AQP3: variants seen among roughly 807,000 people sequenced by gnomAD.
The protein encoded by AQP3 is aquaporin-3.
AQP3 carries 15 observed loss-of-function variants against 30.3 expected under a neutral mutation model. The observed-to-expected ratio is 0.49, with a 90% CI of 0.33 to 0.76. AQP3 has a LOEUF of 0.76. Among genes scored for constraint, AQP3 ranks in the 30% least tolerant of loss-of-function variants. The pLI is 0.02. For synonymous variants in AQP3, 153 were observed against 163.2 expected, an observed-to-expected ratio of 0.94 and a Z score of 0.47; for missense variants, 272 against 384.8, an observed-to-expected ratio of 0.71 and a Z score of 2.45.
intron 1 of AQP3, among the ~76,000 whole-genome samples, chr9:33,447,082 G>A (rs1247219267): frequency 6.6e-6 from 1 of 152,246 alleles, no homozygotes. Flanking sequence ...ATCTGGAGGG[G>A]TGTGGGAGGC....
intron 1 of AQP3, among the ~76,000 whole-genome samples, chr9:33,447,052 TG>T (rs1826923269): frequency 6.6e-6 from 1 of 152,044 alleles, no homozygotes; most frequent in African/African-American, 2.4e-5. Context: ...CCCCTACATC[TG>T]GGGGCTGGGA....
In AQP3 at chr9:33,443,919, G is replaced by T; in HGVS notation, c.109-27C>A. ...TGTCAGGAAGAAGAACAGGCAGGGAGGGTGAGGACCAGCAACTCTCACTCC... is the reference window on the plus strand; with the variant it reads ...TGTCAGGAAGAAGAACAGGCAGGGATGGTGAGGACCAGCAACTCTCACTCC... On this transcript the variant is annotated intron_variant, in intron 1 of 5. Transcript: ENST00000297991. The surrounding 1 kb of genome is among the most constrained non-coding windows in gnomAD (Gnocchi z 5.0). The T allele has an allele frequency of 6.2e-7, 1 of 1,609,720 alleles. No individual in the cohort carries two copies. The highest frequency in any genetic ancestry group is 1.1e-5 in the South Asian group (1 of 90,778).
At chr9:33,442,605 A>G in intron 4 of AQP3, 87 bp from the exon 5 acceptor site, 1 of 1,393,164 alleles carries the variant, frequency 7.2e-7, no homozygotes. Context: ...TCTAGCTCTT[A>G]AACTCTTGTC....
Position 33,444,012 on chromosome 9 carries a change from G to A in AQP3, c.109-120C>T. The A allele has an allele frequency of 3.8e-6, 5 of 1,312,518 alleles. 1 individual carries two copies. The highest frequency in any genetic ancestry group is 5.2e-6 in the Non-Finnish European group (5 of 967,392). The allele number at this position is 1,312,518 out of a possible 1,614,324, so 81.3% of individuals were successfully genotyped here. On this transcript the variant is annotated intron_variant, in intron 1 of 5. Coordinates refer to ENST00000297991, the MANE Select transcript of AQP3 (RefSeq NM_004925.5). ...CTGGGAGGACTAGAGGCGCTTCCTG[G>A]AACCCAGCCCAAACCCCTTCTGCTG...
rs1286174802 is a variant in AQP3 at position 33,443,529 on chromosome 9, G to C, written c.236-71C>G. On this transcript the variant is annotated intron_variant, in intron 2 of 5. Coordinates refer to ENST00000297991, the MANE Select transcript of AQP3 (RefSeq NM_004925.5). This position sits in a 1 kb window ranked among gnomAD's most constrained non-coding sequence, Gnocchi z 5.0. The stretch of plus-strand genomic sequence containing the variant: ...TCGGCAGGCTAGGGTCCCCTGAGAA[G>C]GGGTGCAGAGAGGGGTTTCTTGCAC... 1.9e-6 allele frequency: 3 copies of C among 1,566,672 alleles called. No individual in the cohort carries two copies. The highest frequency in any genetic ancestry group is 1.4e-5 in the African/African-American group (1 of 73,918).
rs780924525 is a variant in AQP3, at chr9:33,447,431, T to C, written c.100A>G (p.Ile34Val). 1.9e-6 allele frequency: 3 copies of C among 1,603,244 alleles called. No homozygotes were observed. The highest frequency in any genetic ancestry group is 1.7e-6 in the Non-Finnish European group (2 of 1,175,428). ...QALAECLGTLILVMFGCGSVA... is the reference protein window; with the variant it reads ...QALAECLGTLVLVMFGCGSVA... ...CGGCTCCCTCCACTCACCACCAGGATGAGGGTCCCCAGGCACTCGGCCAGC... is the reference window on the plus strand; with the variant it reads ...CGGCTCCCTCCACTCACCACCAGGACGAGGGTCCCCAGGCACTCGGCCAGC... The change falls in exon 1 of 6, where the codon ATC (isoleucine) becomes GTC (valine). Residue 34 changes from isoleucine (I) to valine (V), a missense_variant. By Grantham distance (29) the Ile-to-Val change is conservative (BLOSUM62 3). Around this residue, in one of 3 missense-constraint regions of AQP3, gnomAD observed 51 missense variants for 46.5 expected, o/e 1.10. Transcript: ENST00000297991.
rs770011362 is a variant in AQP3 at position 33,441,871 on chromosome 9, G to A, written c.*172C>T. ...GGGGCAGTGGCCTAAGGTGCTATTT[G>A]GGCAAGGTCCAGTGGAAATCCTGAA... On this transcript the variant is annotated 3_prime_UTR_variant, in exon 6 of 6. Coordinates refer to ENST00000297991, the MANE Select transcript of AQP3 (RefSeq NM_004925.5). 1 of 1,098,466 alleles carries A rather than the reference G, an allele frequency of 9.1e-7. No homozygotes were observed. The highest frequency in any genetic ancestry group is 1.3e-6 in the Non-Finnish European group (1 of 764,536). The allele number at this position is 1,098,466 out of a possible 1,614,324, so 68.0% of individuals were successfully genotyped here.
chr9:33,444,258 G>A (rs1826884190), intron 1 of AQP3, among the ~76,000 whole-genome samples: 1 of 152,150 alleles, frequency 6.6e-6, no homozygotes. Flanking sequence ...TTCAGGCCTG[G>A]ACCATAAAGG....
chr9:33,446,589 T>C (rs1826916926), intron 1 of AQP3, among the ~76,000 whole-genome samples: 1 of 151,452 alleles, frequency 6.6e-6, no homozygotes, highest in African/African-American at 2.4e-5. Context: ...GCAAACAGAG[T>C]CACTCAGAAC....
At chr9:33,444,202 G>A (rs886665233) in intron 1 of AQP3, among the ~76,000 whole-genome samples, 2 of 152,216 alleles carry the variant, frequency 1.3e-5, no homozygotes, top group African/African-American at 4.8e-5. Flanking sequence ...GCAGGCGTAG[G>A]TGTAGGGGAA....
chr9:33,443,621 T>G lies in AQP3; in HGVS notation c.235+145A>C. 6.8e-7 allele frequency: 1 copy of G among 1,480,386 alleles called. No individual in the cohort carries two copies. 91.7% of individuals were successfully genotyped at this position (1,480,386 alleles called of 1,614,324 possible). On this transcript the variant is annotated intron_variant, in intron 2 of 5. Coordinates refer to ENST00000297991, the MANE Select transcript of AQP3 (RefSeq NM_004925.5). The surrounding 1 kb of genome is among the most constrained non-coding windows in gnomAD (Gnocchi z 5.0). ...CTGATTCCAAGGTGAGAGTCGAAAG[T>G]TCTAAGTGTCAAGTTTCTTCTCCAC...
Position 33,442,129 on chromosome 9 carries a change from T to C in AQP3, c.793A>G (p.Ile265Val), listed in dbSNP as rs773268552. 3 of 1,613,550 alleles carry C rather than the reference T, an allele frequency of 1.9e-6. No individual in the cohort carries two copies. Among genetic ancestry groups the C allele is most frequent in the Non-Finnish European group, 2.5e-6 (3 of 1,180,000 alleles). Residue 265 changes from isoleucine (I) to valine (V), a missense_variant, in exon 6 of 6, where the codon ATC becomes GTC. By Grantham distance (29) the Ile-to-Val change is conservative. Around this residue, in one of 3 missense-constraint regions of AQP3, gnomAD observed 51 missense variants for 51.8 expected, o/e 0.98. Transcript: ENST00000297991. Reference sequence around the variant, plus strand: ...GGGGGCTGCTCCAGGTGGCAGCCGATCATCAGCTGGTACACGAAGACACCC... The same window carrying C: ...GGGGGCTGCTCCAGGTGGCAGCCGACCATCAGCTGGTACACGAAGACACCC... The part of the protein sequence containing the change: ...IAGVFVYQLM[I>V]GCHLEQPPPS...
Position 33,441,906 on chromosome 9 carries a change from T to G in AQP3, c.*137A>C. The G allele has an allele frequency of 7.4e-7, 1 of 1,360,540 alleles. No homozygotes were observed. The highest frequency in any genetic ancestry group is 1.0e-6 in the Non-Finnish European group (1 of 994,790). The allele number at this position is 1,360,540 out of a possible 1,614,324, so 84.3% of individuals were successfully genotyped here. ...CAGTGGAAATCCTGAAGGGGCTGTC[T>G]CGTGGGGTGAGGGTAGATAGGGAGC... On this transcript the variant is annotated 3_prime_UTR_variant, in exon 6 of 6. Transcript: ENST00000297991.
intron 4 of AQP3, 138 bp downstream of exon 4, chr9:33,442,714 C>A (rs1216623162): frequency 9.2e-7 from 1 of 1,086,372 alleles, no homozygotes; most frequent in Non-Finnish European, 1.4e-6. Context: ...TACTTGCCAC[C>A]ATGTTCTGAT....
Position 33,443,875 on chromosome 9 carries a change from G to A in AQP3, c.126C>T (p.Ser42=), listed in dbSNP as rs114247802. Residue 42 remains serine, a synonymous_variant, in exon 2 of 6, where the codon TCC becomes TCT. Coordinates refer to ENST00000297991, the MANE Select transcript of AQP3 (RefSeq NM_004925.5). The surrounding 1 kb of genome is among the most constrained non-coding windows in gnomAD (Gnocchi z 5.0). The part of the protein sequence containing the change: ...TLILVMFGCG[S]VAQVVLSRGT... ...CCCGGCTGAGCACAACCTGGGCCACGGAGCCACAGCCAAACATCTGTCAGG... is the reference window on the plus strand; with the variant it reads ...CCCGGCTGAGCACAACCTGGGCCACAGAGCCACAGCCAAACATCTGTCAGG... 2.9e-4 allele frequency: 472 copies of A among 1,613,874 alleles called. 1 individual carries two copies. In the African/African-American group the frequency reaches 4.9e-3, roughly 17 times the overall value.
At chr9:33,446,009 G>C (rs969282425) in intron 1 of AQP3, among the ~76,000 whole-genome samples, 6 of 152,228 alleles carry the variant, frequency 3.9e-5, no homozygotes, top group African/African-American at 1.4e-4. Flanking sequence ...GGGGCTCAGT[G>C]GGAGGACTAA....
chr9:33,444,366 G>A lies in AQP3; in HGVS notation c.109-474C>T, dbSNP rs113071159. Among the ~76,000 whole-genome samples the A allele has an allele frequency of 2.7e-3, 418 of 152,200 alleles. 2 individuals are homozygous for A. Among genetic ancestry groups the A allele is most frequent in the Admixed American group, 6.9e-3 (105 of 15,278 alleles). The stretch of plus-strand genomic sequence containing the variant: ...TGTAATCCCAGCACTTTGGTAGGCC[G>A]AGGTGGGTGGATCACCTGAGGTCAG... On this transcript the variant is annotated intron_variant, in intron 1 of 5. Coordinates refer to ENST00000297991, the MANE Select transcript of AQP3 (RefSeq NM_004925.5).
chr9:33,446,327 C>T (rs1826913227), intron 1 of AQP3, among the ~76,000 whole-genome samples: 1 of 152,300 alleles, frequency 6.6e-6, no homozygotes, highest in South Asian at 2.1e-4. Context: ...GGTTTCAGCC[C>T]TCCTCTGCCC....
intron 1 of AQP3, among the ~76,000 whole-genome samples, 193 bp downstream of exon 1, chr9:33,447,230 G>A (rs961391455): frequency 6.6e-6 from 1 of 152,252 alleles, no homozygotes; most frequent in African/African-American, 2.4e-5. Flanking sequence ...AGTCGGAGCT[G>A]TCAGAGAGGG....
Sources: allele counts gnomAD v4.1 joint callset (sites outside exome capture counted in the v4.1 genomes callset), GRCh38; gene constraint gnomAD v4.1.1; regional missense constraint gnomAD v4.1.1; non-coding constraint Gnocchi (gnomAD v3.1); transcripts MANE v1.5; gene names NCBI Gene and HGNC (gene_info 2026-07-23, HGNC 2026-07-21).